Variants in MCF2L observed in about 807,000 individuals in gnomAD.
MCF2L encodes MCF.2 cell line derived transforming sequence like.
A neutral mutation model predicts 153.4 loss-of-function variants in MCF2L; 97 were observed. The ratio of observed to expected loss-of-function variants is 0.63; its 90% CI spans 0.54 to 0.75. The LOEUF is 0.75. Ranked by LOEUF, MCF2L falls within the 30% of genes least tolerant of loss-of-function variation. The pLI is 0.00. For synonymous variants in MCF2L, 659 were observed against 632.2 expected (o/e 1.04, Z -0.64); for missense variants, 1,347 against 1,495.2 (o/e 0.90, Z 1.64).
chr13:112,952,120 G>A (rs756228716), intron 2 of MCF2L, among the ~76,000 whole-genome samples: 2 of 152,206 alleles, frequency 1.3e-5, no homozygotes, highest in Non-Finnish European at 1.5e-5. Flanking sequence ...CCTTGGTGTT[G>A]AGCCTTTGAA....
chr13:112,898,123 G>A (rs2081085512), intron 1 of MCF2L, among the ~76,000 whole-genome samples: 1 of 152,236 alleles, frequency 6.6e-6, no homozygotes, highest in Admixed American at 6.5e-5. Flanking sequence ...TACAGTGGAT[G>A]ACACGGTGTC....
At chr13:113,001,916 G>C (rs745522758) in intron 1 of MCF2L, 57 of 1,593,464 alleles carry the variant, frequency 3.6e-5, no homozygotes, top group Middle Eastern at 1.9e-4. Context: ...GCAGCATGAC[G>C]GTGCGCCGGC....
At position 113,034,580 on chromosome 13, in the gene MCF2L, C is replaced by T. The variant is rs573010865; in HGVS notation, c.278+9822C>T. ...GTCTCACCCTCGCCCTCACCTTCTC[C>T]CTCGCCCTGGTCTCACCCTCGCCCT... On this transcript the variant is annotated intron_variant, in intron 3 of 29. Coordinates refer to ENST00000535094, the MANE Select transcript of MCF2L (RefSeq NM_001112732.3). 2.2e-4 allele frequency among the ~76,000 whole-genome samples: 34 copies of T among 151,622 alleles called. No homozygotes were observed. The East Asian group carries it at 4.9e-3, about 22-fold the overall frequency.
At chr13:113,015,303 C>A (rs2084435067) in intron 2 of MCF2L, among the ~76,000 whole-genome samples, 1 of 152,232 alleles carries the variant, frequency 6.6e-6, no homozygotes, top group Admixed American at 6.5e-5. Flanking sequence ...GCTCCCAGCA[C>A]CCCTGTGTGG....
intron 1 of MCF2L, among the ~76,000 whole-genome samples, chr13:113,008,465 G>A (rs111693580): frequency 1.3e-3 from 199 of 152,240 alleles, no homozygotes; most frequent in East Asian, 2.9e-3. Flanking sequence ...ATTCAGTGCC[G>A]TAACTCATGG....
At chr13:113,091,526 TCG>T (rs2035211112) in intron 26 of MCF2L, among the ~76,000 whole-genome samples, 1 of 152,094 alleles carries the variant, frequency 6.6e-6, no homozygotes, top group African/African-American at 2.4e-5. Context: ...GTGGCTGCTG[TCG>T]GCTATAGGGC....
At chr13:112,939,775 C>A (rs989705053) in intron 2 of MCF2L, among the ~76,000 whole-genome samples, 2 of 151,954 alleles carry the variant, frequency 1.3e-5, no homozygotes, top group South Asian at 4.2e-4. Flanking sequence ...GTCAGGAGTT[C>A]GAGACCAGCC....
intron 2 of MCF2L, among the ~76,000 whole-genome samples, chr13:113,021,960 C>A (rs2084911752): frequency 6.6e-6 from 1 of 152,214 alleles, no homozygotes; most frequent in African/African-American, 2.4e-5. Context: ...GGCCAGGCCC[C>A]CGTGCGATTT....
At chr13:112,922,056 C>G (rs2081358052) in intron 2 of MCF2L, among the ~76,000 whole-genome samples, 1 of 152,122 alleles carries the variant, frequency 6.6e-6, no homozygotes, top group Non-Finnish European at 1.5e-5. Context: ...GGCCCCAGCT[C>G]ACAGTGAATG....
chr13:113,010,780 G>A (rs1036414080), intron 1 of MCF2L, among the ~76,000 whole-genome samples: 1 of 152,244 alleles, frequency 6.6e-6, no homozygotes, highest in Non-Finnish European at 1.5e-5. Flanking sequence ...TGAGGGAGCT[G>A]GGCCTGGCCT....
In MCF2L at chr13:113,054,053, G is replaced by T. The variant is rs561179153; in HGVS notation, c.370-6540G>T. Among the ~76,000 whole-genome samples the T allele has an allele frequency of 2.6e-5, 4 of 152,248 alleles. No individual in the cohort carries two copies. In the East Asian group the frequency reaches 7.7e-4, roughly 29 times the overall value. ...TGCTGAGAAGCCGAGGGGAGGTTCT[G>T]GGGCTTGGCTTGAGCTGCGGGGTGA... On this transcript the variant is annotated intron_variant, in intron 4 of 29. Coordinates refer to ENST00000535094, the MANE Select transcript of MCF2L (RefSeq NM_001112732.3). The surrounding 1 kb of genome is among the most constrained non-coding windows in gnomAD (Gnocchi z 5.2).
chr13:112,968,152 G>T (rs951818643), upstream of MCF2L, among the ~76,000 whole-genome samples: 14 of 140,642 alleles, frequency 1.0e-4, no homozygotes, highest in African/African-American at 3.0e-4. Context: ...TGGGGGGGGG[G>T]GTCTTGCTAC....
chr13:112,984,425 A>G (rs1390193372), intron 1 of MCF2L, among the ~76,000 whole-genome samples: 2 of 151,894 alleles, frequency 1.3e-5, no homozygotes, highest in Admixed American at 6.6e-5. Flanking sequence ...TTTAGTAGAG[A>G]TGGAGTTTCG....
intron 2 of MCF2L, among the ~76,000 whole-genome samples, chr13:113,018,495 G>GT (rs1566743873): frequency 6.6e-6 from 1 of 152,172 alleles, no homozygotes; most frequent in Admixed American, 6.5e-5. Context: ...TGAGTCATCC[G>GT]TTTGACTCTT....
At chr13:113,016,442 G>A (rs1273211014) in intron 2 of MCF2L, among the ~76,000 whole-genome samples, 2 of 152,174 alleles carry the variant, frequency 1.3e-5, no homozygotes, top group African/African-American at 2.4e-5. Flanking sequence ...TGGAGAGACT[G>A]GGCTCAGGAT....
rs115833793 is a variant in MCF2L at position 113,033,532 on chromosome 13, C to T, written c.278+8774C>T. On this transcript the variant is annotated intron_variant, in intron 3 of 29. Coordinates refer to ENST00000535094, the MANE Select transcript of MCF2L (RefSeq NM_001112732.3). Reference sequence around the variant, plus strand: ...GCATTTCGTGGTCCCCACTGTTTCCCTGTTGGGGTCACTGCTGTAAAGGGT... The same window carrying T: ...GCATTTCGTGGTCCCCACTGTTTCCTTGTTGGGGTCACTGCTGTAAAGGGT... Among the ~76,000 whole-genome samples the T allele has an allele frequency of 8.3e-3, 1,265 of 152,286 alleles. 15 individuals carry two copies. Among genetic ancestry groups the T allele is most frequent in the African/African-American group, 0.029 (1,207 of 41,552 alleles).
chr13:113,075,224 A>AG, intron 11 of MCF2L, 35 bp downstream of exon 11: 1 of 1,546,872 alleles, frequency 6.5e-7, no homozygotes, highest in Non-Finnish European at 8.8e-7. Flanking sequence ...ACTCCCCCCC[A>AG]GCTGCGGAAC....
Position 113,082,583 on chromosome 13 carries a change from C to T in MCF2L, c.1991+41C>T, listed in dbSNP as rs199753310. ...CGACACAGGCACGCACCCGTGATCT[C>T]TTGCAGCTAATGGTGCTGGCTTCAG... On this transcript the variant is annotated intron_variant, in intron 17 of 29. Coordinates refer to ENST00000535094, the MANE Select transcript of MCF2L (RefSeq NM_001112732.3). 2.3e-5 allele frequency: 32 copies of T among 1,402,464 alleles called. No homozygotes were observed. In the East Asian group the frequency reaches 2.8e-4, roughly 12 times the overall value. 86.9% of individuals were successfully genotyped at this position (1,402,464 alleles called of 1,614,324 possible).
exon 2 of MCF2L, chr13:112,902,281 G>A: frequency 6.2e-7 from 1 of 1,612,822 alleles, no homozygotes; most frequent in Non-Finnish European, 8.5e-7. Context: ...GCCCAATGAG[G>A]CCAAAAAGGA....
Sources: gnomAD v4.1 joint callset for allele counts (sites outside exome capture counted in the v4.1 genomes callset) on GRCh38, gnomAD v4.1.1 for gene constraint, Gnocchi (gnomAD v3.1) non-coding constraint, MANE v1.5 for transcripts, NCBI Gene and HGNC (gene_info 2026-07-23, HGNC 2026-07-21) for gene names.